LRP5: variants seen among roughly 807,000 people sequenced by gnomAD.
LRP5 encodes LDL receptor related protein 5, also known as low-density lipoprotein receptor-related protein 5.
LRP5 carries 62 observed loss-of-function variants against 154.1 expected under a neutral mutation model. That is an observed-to-expected ratio of 0.40 (90% CI 0.33 to 0.50). The LOEUF (loss-of-function observed/expected upper bound fraction) is 0.50. Among genes scored for constraint, LRP5 ranks in the 20% least tolerant of loss-of-function variants. The probability of loss-of-function intolerance (pLI) is 0.55; values close to 1 mark genes in which losing one functional copy is unlikely to be tolerated. For synonymous variants in LRP5, 966 were observed against 1,011.5 expected, an observed-to-expected ratio of 0.96 and a Z score of 0.85; for missense variants, 1,915 against 2,336.7, an observed-to-expected ratio of 0.82 and a Z score of 3.72.
rs1480430515 is a variant in LRP5, at chr11:68,386,770, G to T, written c.1412+58G>T. 9.6e-6 allele frequency: 15 copies of T among 1,567,254 alleles called. No homozygotes were observed. Among genetic ancestry groups the T allele is most frequent in the Admixed American group, 1.8e-5 (1 of 56,544 alleles). On this transcript the variant is annotated intron_variant, in intron 6 of 22. Coordinates refer to ENST00000294304, the MANE Select transcript of LRP5 (RefSeq NM_002335.4). The surrounding 1 kb of genome is among the most constrained non-coding windows in gnomAD (Gnocchi z 7.9). Reference sequence around the variant, plus strand: ...GGGCCAGGCCAAGCACAGGCGAGAGGGAGATTGACCTGGACCTGTCATTCT... The same window carrying T: ...GGGCCAGGCCAAGCACAGGCGAGAGTGAGATTGACCTGGACCTGTCATTCT...
In LRP5 at chr11:68,386,615, C is replaced by T. The variant is rs1218658711; in HGVS notation, c.1315C>T (p.Arg439Cys). The stretch of plus-strand genomic sequence containing the variant: ...CTACTGGACCGACACGGGCACGGAC[C>T]GCATCGAGGTGACGCGCCTCAACGG... Reference protein sequence around the residue: ...NLYWTDTGTDRIEVTRLNGTS... With the variant: ...NLYWTDTGTDCIEVTRLNGTS... Residue 439 changes from arginine to cysteine, a missense_variant, in exon 6 of 23, where the codon CGC (arginine) becomes TGC (cysteine). Arg to Cys is a radical substitution (Grantham distance 180). Transcript: ENST00000294304. This position sits in a 1 kb window ranked among gnomAD's most constrained non-coding sequence, Gnocchi z 7.9. 9.9e-6 allele frequency: 16 copies of T among 1,613,534 alleles called. No individual in the cohort carries two copies. The highest frequency in any genetic ancestry group is 8.3e-5 in the Admixed American group (5 of 59,992).
rs28397102 is a variant in LRP5 at position 68,404,829 on chromosome 11, G to T, written c.1801+1130G>T. On this transcript the variant is annotated intron_variant, in intron 8 of 22. Coordinates refer to ENST00000294304, the MANE Select transcript of LRP5 (RefSeq NM_002335.4). ...ACTAAAAATACAAAAAATTAGCCGGGTGCGGTGGCAGGCGCCTGTAGTCCC... is the reference window on the plus strand; with the variant it reads ...ACTAAAAATACAAAAAATTAGCCGGTTGCGGTGGCAGGCGCCTGTAGTCCC... 8.2e-3 allele frequency among the ~76,000 whole-genome samples: 1,240 copies of T among 151,960 alleles called. 19 individuals carry two copies. Among genetic ancestry groups the T allele is most frequent in the African/African-American group, 0.028 (1,162 of 41,448 alleles).
chr11:68,347,297 G>A (rs1347360867), intron 1 of LRP5, among the ~76,000 whole-genome samples: 3 of 152,226 alleles, frequency 2.0e-5, no homozygotes, highest in Admixed American at 2.0e-4. Context: ...CTGATGCCAC[G>A]GCCAAGGAAA....
In LRP5 at chr11:68,376,463, C is replaced by T. The variant is rs548218904; in HGVS notation, c.1016-9853C>T. On this transcript the variant is annotated intron_variant, in intron 5 of 22. Coordinates refer to ENST00000294304, the MANE Select transcript of LRP5 (RefSeq NM_002335.4). The stretch of plus-strand genomic sequence containing the variant: ...CCTCCCAAAGTGCTGGGATTACAGG[C>T]ATGAGCCACCATGCCTGGCCGGCCC... Among the ~76,000 whole-genome samples the T allele has an allele frequency of 2.6e-5, 4 of 152,292 alleles. 1 individual carries two copies. In the South Asian group the frequency reaches 8.3e-4, roughly 32 times the overall value.
intron 7 of LRP5, among the ~76,000 whole-genome samples, chr11:68,401,397 C>T (rs925183671): frequency 6.6e-6 from 1 of 152,194 alleles, no homozygotes; most frequent in Non-Finnish European, 1.5e-5. Flanking sequence ...TTCCCGCCCG[C>T]CTGCTCATCA....
chr11:68,327,420 C>G (rs1591178885), intron 1 of LRP5, among the ~76,000 whole-genome samples: 1 of 152,248 alleles, frequency 6.6e-6, no homozygotes, highest in African/African-American at 2.4e-5. Flanking sequence ...CTCTGCGGAT[C>G]TGACCCACTG....
At chr11:68,409,073 A>AAAAAAAAATATATATATATAT (rs2098657548) in intron 9 of LRP5, among the ~76,000 whole-genome samples, 1 of 44,186 alleles carries the variant, frequency 2.3e-5, no homozygotes, top group African/African-American at 1.3e-4. Flanking sequence ...AAAAAAAAAA[A>AAAAAAAAATATATATATATAT]ATATATATAT....
intron 9 of LRP5, among the ~76,000 whole-genome samples, chr11:68,408,410 A>C (rs2098656974): frequency 6.6e-6 from 1 of 152,036 alleles, no homozygotes; most frequent in South Asian, 2.1e-4. Context: ...ACATAGCTTT[A>C]AAAGATTTTT....
At chr11:68,448,727 C>G in intron 22 of LRP5, 82 bp from the exon 23 acceptor site, 1 of 1,562,644 alleles carries the variant, frequency 6.4e-7, no homozygotes, top group South Asian at 1.1e-5. Flanking sequence ...CAGGCCTTTC[C>G]CGTTCACAGC....
chr11:68,323,405 G>T (rs2098597876), intron 1 of LRP5, among the ~76,000 whole-genome samples: 3 of 152,014 alleles, frequency 2.0e-5, no homozygotes, highest in Admixed American at 2.0e-4. Context: ...ACCAAGCCTG[G>T]CTTGGTGCTT....
At chr11:68,403,433 C>T (rs759419597) in intron 7 of LRP5, 50 bp from the exon 8 acceptor site, 27 of 1,559,196 alleles carry the variant, frequency 1.7e-5, no homozygotes, top group Middle Eastern at 1.7e-4. Flanking sequence ...GGTTGGCTCT[C>T]GTTGGTGTGG....
At chr11:68,326,312 A>G (rs1198688206) in intron 1 of LRP5, among the ~76,000 whole-genome samples, 3 of 152,186 alleles carry the variant, frequency 2.0e-5, no homozygotes, top group Non-Finnish European at 4.4e-5. Context: ...TCCTTTTCAG[A>G]GGACATTGTT....
chr11:68,422,912 CCCTCCCCTCACCTGG>C (rs2098666646), intron 13 of LRP5, among the ~76,000 whole-genome samples: 1 of 151,650 alleles, frequency 6.6e-6, no homozygotes, highest in African/African-American at 2.4e-5. Context: ...CCCTCACCTG[CCCTCCCCTCACCTGG>C]CCTCCTTCCG....
chr11:68,410,077 G>A lies in LRP5; in HGVS notation c.2255G>A (p.Arg752Gln), dbSNP rs776542904. 4.3e-6 allele frequency: 7 copies of A among 1,613,882 alleles called. No individual in the cohort carries two copies. Among genetic ancestry groups the A allele is most frequent in the South Asian group, 2.2e-5 (2 of 91,082 alleles). Reference sequence around the variant, plus strand: ...GTGGCGCGGCTGGACGGGCAGTTCCGGCAAGTCCTCGTGTGGAGGGACTTG... The same window carrying A: ...GTGGCGCGGCTGGACGGGCAGTTCCAGCAAGTCCTCGTGTGGAGGGACTTG... ...IEVARLDGQFRQVLVWRDLDN... is the reference protein window; with the variant it reads ...IEVARLDGQFQQVLVWRDLDN... The change falls in exon 10 of 23, where the codon CGG (arginine) becomes CAG (glutamine). Residue 752 changes from arginine (R) to glutamine (Q), a missense_variant. Physicochemically the swap from Arg to Gln is conservative, Grantham distance 43 (BLOSUM62 1). Around this residue, in one of 3 missense-constraint regions of LRP5, gnomAD observed 773 missense variants for 1,100.9 expected, o/e 0.70. Coordinates refer to ENST00000294304, the MANE Select transcript of LRP5 (RefSeq NM_002335.4).
intron 3 of LRP5, 42 bp from the exon 4 acceptor site, chr11:68,363,705 G>C: frequency 6.5e-7 from 1 of 1,529,736 alleles, no homozygotes; most frequent in South Asian, 1.1e-5. Flanking sequence ...ACTGTCGGGG[G>C]ACCCTCCTGA....
chr11:68,422,088 G>A (rs957989719), intron 13 of LRP5, among the ~76,000 whole-genome samples: 1 of 151,758 alleles, frequency 6.6e-6, no homozygotes, highest in African/African-American at 2.4e-5. Context: ...TCACCATACT[G>A]AGCTATTGTT....
At chr11:68,334,269 G>A (rs1004558085) in intron 1 of LRP5, among the ~76,000 whole-genome samples, 33 of 152,054 alleles carry the variant, frequency 2.2e-4, no homozygotes, top group African/African-American at 7.7e-4. Context: ...GCAGCATGTC[G>A]AGGGTGGTGC....
At chr11:68,318,300 T>C (rs97411) in intron 1 of LRP5, among the ~76,000 whole-genome samples, 121,797 of 151,172 alleles carry the variant, frequency 0.81, 49,256 homozygotes, top group African/African-American at 0.85. Context: ...CCCGCTCGGC[T>C]TCCCAAGGTG....
At chr11:68,377,977 C>T (rs555979031) in intron 5 of LRP5, among the ~76,000 whole-genome samples, 1 of 152,164 alleles carries the variant, frequency 6.6e-6, no homozygotes, top group Non-Finnish European at 1.5e-5. Context: ...CGGTGGGAGC[C>T]TCCGGGGGCC....
Sources: allele counts gnomAD v4.1 joint callset (sites outside exome capture counted in the v4.1 genomes callset), GRCh38; gene constraint gnomAD v4.1.1; regional missense constraint gnomAD v4.1.1; non-coding constraint Gnocchi (gnomAD v3.1); transcripts MANE v1.5; gene names NCBI Gene and HGNC (gene_info 2026-07-23, HGNC 2026-07-21).